SLC38A11: variants seen among roughly 807,000 people sequenced by gnomAD.
The protein encoded by SLC38A11 is putative sodium-coupled neutral amino acid transporter 11.
SLC38A11 carries 51 observed loss-of-function variants against 49.4 expected under a neutral mutation model. That is an observed-to-expected ratio of 1.03 (90% CI 0.83 to 1.30). The LOEUF (loss-of-function observed/expected upper bound fraction) is 1.30. Among genes scored for constraint, SLC38A11 ranks in the 50% most tolerant of loss-of-function variants. The probability of loss-of-function intolerance (pLI) is 0.00; values close to 1 mark genes in which losing one functional copy is unlikely to be tolerated. For synonymous variants in SLC38A11, 203 were observed against 192.9 expected, an observed-to-expected ratio of 1.05 and a Z score of -0.43; for missense variants, 574 against 556.2, an observed-to-expected ratio of 1.03 and a Z score of -0.32.
At chr2:164,930,904 A>G (rs1474063001) in intron 7 of SLC38A11, among the ~76,000 whole-genome samples, 1 of 152,152 alleles carries the variant, frequency 6.6e-6, no homozygotes, top group African/African-American at 2.4e-5. Flanking sequence ...AGTCCTGGCC[A>G]GAGCAATCAG....
Position 164,896,544 on chromosome 2 carries a change from T to TA in SLC38A11, c.*1892dup, listed in dbSNP as rs1223350431. Reference sequence around the variant, plus strand: ...ATGACAGACTGTGGCAAAAATTTCTTACATTTCCTCATTTCTTACATGGAA... The same window carrying TA: ...ATGACAGACTGTGGCAAAAATTTCTTAACATTTCCTCATTTCTTACATGGAA... On this transcript the variant is annotated 3_prime_UTR_variant, in exon 12 of 12. Coordinates refer to ENST00000685975, the MANE Select transcript of SLC38A11 (RefSeq NM_001351537.2). The TA allele has an allele frequency of 6.6e-6, 1 of 152,158 alleles. No individual in the cohort carries two copies. The highest frequency in any genetic ancestry group is 6.6e-5 in the Admixed American group (1 of 15,256). The allele number at this position is 152,158 out of a possible 1,614,324, so 9.4% of individuals were successfully genotyped here.
At chr2:164,939,926 C>T (rs1363648814) in intron 5 of SLC38A11, among the ~76,000 whole-genome samples, 1 of 150,590 alleles carries the variant, frequency 6.6e-6, no homozygotes, top group Admixed American at 6.6e-5. Context: ...ACTCCCTGCC[C>T]AAAACTCTTT....
In SLC38A11 at chr2:164,915,631, A is replaced by C. The variant is rs181845289; in HGVS notation, c.688+272T>G. On this transcript the variant is annotated intron_variant, in intron 8 of 11. Coordinates refer to ENST00000685975, the MANE Select transcript of SLC38A11 (RefSeq NM_001351537.2). ...CATAATAAAGGGTTTGAAGAAGTCCATAACACTTGCTAGCCTTCCAAGTTA... is the reference window on the plus strand; with the variant it reads ...CATAATAAAGGGTTTGAAGAAGTCCCTAACACTTGCTAGCCTTCCAAGTTA... 3 of 448,162 alleles carry C rather than the reference A, an allele frequency of 6.7e-6. No homozygotes were observed. The Admixed American group carries it at 1.1e-4, about 16-fold the overall frequency. The allele number at this position is 448,162 out of a possible 1,614,324, so 27.8% of individuals were successfully genotyped here.
intron 11 of SLC38A11, 76 bp from the exon 12 acceptor site, chr2:164,898,806 C>A (rs1684472206): frequency 1.5e-5 from 21 of 1,435,324 alleles, no homozygotes; most frequent in Non-Finnish European, 2.0e-5. Flanking sequence ...AAAGCATTTA[C>A]AAAATGTGTT....
intron 7 of SLC38A11, among the ~76,000 whole-genome samples, chr2:164,920,610 T>A (rs1171340604): frequency 6.6e-6 from 1 of 152,008 alleles, no homozygotes; most frequent in Non-Finnish European, 1.5e-5. Flanking sequence ...GAGTAGAAGA[T>A]GTTGCAACCA....
intron 7 of SLC38A11, chr2:164,922,271 A>G (rs1021906011): frequency 6.6e-6 from 1 of 152,198 alleles, no homozygotes; most frequent in African/African-American, 2.4e-5. Flanking sequence ...CAATTCCGGC[A>G]GAGTCTGCAT....
At chr2:164,913,589 G>A (rs998910042) in intron 9 of SLC38A11, among the ~76,000 whole-genome samples, 1 of 151,942 alleles carries the variant, frequency 6.6e-6, no homozygotes, top group African/African-American at 2.4e-5. Context: ...AAACCTGTCA[G>A]CTTTGTTTTA....
At chr2:164,922,180 T>A (rs1686248650) in intron 7 of SLC38A11, 1 of 152,206 alleles carries the variant, frequency 6.6e-6, no homozygotes, top group South Asian at 2.1e-4. Flanking sequence ...AACCTCTGGA[T>A]CAGGAGAATC....
intron 8 of SLC38A11, 76 bp from the exon 9 acceptor site, chr2:164,915,349 T>C (rs1685707893): frequency 2.3e-6 from 3 of 1,303,272 alleles, no homozygotes; most frequent in Non-Finnish European, 3.2e-6. Flanking sequence ...TTCAGAGATA[T>C]ATACTACTTT....
At chr2:164,940,196 T>C (rs998453144) in intron 5 of SLC38A11, among the ~76,000 whole-genome samples, 23 of 147,226 alleles carry the variant, frequency 1.6e-4, no homozygotes, top group Non-Finnish European at 2.7e-4. Flanking sequence ...CTGCAGATTC[T>C]TGGCTATATG....
At chr2:164,917,163 A>G (rs1469031854) in intron 7 of SLC38A11, among the ~76,000 whole-genome samples, 2 of 152,160 alleles carry the variant, frequency 1.3e-5, no homozygotes, top group East Asian at 3.9e-4. Flanking sequence ...ACTCAAAACA[A>G]TGCATGAAGA....
In SLC38A11 at chr2:164,898,720, C is replaced by G. The variant is rs1684465671; in HGVS notation, c.1106G>C (p.Cys369Ser). Residue 369 changes from cysteine (C) to serine (S), a missense_variant, in exon 12 of 12, where the codon TGT becomes TCT. Coordinates refer to ENST00000685975, the MANE Select transcript of SLC38A11 (RefSeq NM_001351537.2). ...GIVLELNGVL[C>S]ATPLIFIIPS... ...AATGATAAAAATGAGGGGAGTTGCA[C>G]AGAGCACACCCTGCATGTTGAAAAC... The G allele has an allele frequency of 6.2e-7, 1 of 1,612,266 alleles. No homozygotes were observed. Among genetic ancestry groups the G allele is most frequent in the Non-Finnish European group, 8.5e-7 (1 of 1,178,954 alleles).
chr2:164,920,960 A>G (rs1686156417), intron 7 of SLC38A11, among the ~76,000 whole-genome samples: 1 of 152,188 alleles, frequency 6.6e-6, no homozygotes, highest in Non-Finnish European at 1.5e-5. Flanking sequence ...TCAAATTCAA[A>G]AGCTAAACTG....
At chr2:164,902,363 A>G (rs1199487777) in intron 11 of SLC38A11, among the ~76,000 whole-genome samples, 2 of 152,064 alleles carry the variant, frequency 1.3e-5, no homozygotes, top group Non-Finnish European at 1.5e-5. Context: ...ATGACATTTC[A>G]CAAATGTTGT....
chr2:164,939,511 A>G lies in SLC38A11; in HGVS notation c.476T>C (p.Leu159Pro), dbSNP rs1687601187. 6.2e-6 allele frequency: 10 copies of G among 1,611,112 alleles called. No homozygotes were observed. In the East Asian group the frequency reaches 2.2e-4, roughly 36 times the overall value. Residue 159 changes from leucine (L) to proline (P), a missense_variant, in exon 6 of 12, where the codon CTT becomes CCT. By Grantham distance (98) the Leu-to-Pro change is moderately conservative (BLOSUM62 -3). Coordinates refer to ENST00000685975, the MANE Select transcript of SLC38A11 (RefSeq NM_001351537.2). ...VFIGRHFIIG[L>P]STVTFTLPLS... ...AGGCAGAGTAAAGGTAACTGTGGAAAGTCCAATAATGAAGTGGCGACCAAT... is the reference window on the plus strand; with the variant it reads ...AGGCAGAGTAAAGGTAACTGTGGAAGGTCCAATAATGAAGTGGCGACCAAT...
intron 7 of SLC38A11, among the ~76,000 whole-genome samples, chr2:164,918,962 A>G (rs554796128): frequency 6.6e-6 from 1 of 152,316 alleles, no homozygotes; most frequent in East Asian, 1.9e-4. Flanking sequence ...AAGACTCAAT[A>G]TCATATAAAC....
intron 5 of SLC38A11, among the ~76,000 whole-genome samples, chr2:164,943,519 C>A (rs1687918447): frequency 6.6e-6 from 1 of 152,118 alleles, no homozygotes; most frequent in Non-Finnish European, 1.5e-5. Flanking sequence ...GGTATGATGT[C>A]ATTTACCTGG....
At chr2:164,951,362 T>A (rs1183386374) in intron 3 of SLC38A11, among the ~76,000 whole-genome samples, 3 of 148,616 alleles carry the variant, frequency 2.0e-5, no homozygotes, top group African/African-American at 7.4e-5. Flanking sequence ...TTGAATGAAA[T>A]TTTTTTTTTT....
chr2:164,909,724 G>A (rs1685265142), intron 10 of SLC38A11, among the ~76,000 whole-genome samples: 2 of 151,982 alleles, frequency 1.3e-5, no homozygotes, highest in South Asian at 4.2e-4. Context: ...AAGATAGTCT[G>A]AATAAGTAGT....
Sources: allele counts gnomAD v4.1 joint callset (sites outside exome capture counted in the v4.1 genomes callset), GRCh38; gene constraint gnomAD v4.1.1; transcripts MANE v1.5; gene names NCBI Gene and HGNC (gene_info 2026-07-23, HGNC 2026-07-21).